The following STARD13 variants were observed in gnomAD, a reference collection of about 807,000 sequenced individuals.
The protein encoded by STARD13 is StAR related lipid transfer domain containing 13.
A neutral mutation model predicts 106.4 loss-of-function variants in STARD13; 62 were observed. The ratio of observed to expected loss-of-function variants is 0.58; its 90% CI spans 0.48 to 0.72. STARD13 has a LOEUF of 0.72. STARD13 is among the 30% of genes least tolerant of loss of function. The pLI, the probability that STARD13 is intolerant of heterozygous loss-of-function variation, is 0.00. For missense variants in STARD13, 1,387 were observed against 1,424.0 expected (o/e 0.97, Z 0.42); for synonymous variants, 565 against 553.0 (o/e 1.02, Z -0.31).
chr13:33,173,729 A>C (rs146456964), intron 1 of STARD13, among the ~76,000 whole-genome samples: 26 of 152,354 alleles, frequency 1.7e-4, no homozygotes, highest in African/African-American at 5.8e-4. Context: ...TGAATATTCA[A>C]AATAGTGGAT....
In STARD13 at chr13:33,163,605, A is replaced by AAT. The variant is rs1249911753; in HGVS notation, c.323+1730_323+1731dup. On this transcript the variant is annotated intron_variant, in intron 3 of 13. Transcript: ENST00000336934. ...ACTCTGTCTCAAAAAAAAAAAAAAA[A>AAT]ATATATATATATATATATAAAACAT... is the stretch of plus-strand genomic sequence containing the variant. Among the ~76,000 whole-genome samples the AAT allele has an allele frequency of 3.8e-3, 368 of 97,612 alleles. 11 individuals are homozygous for AAT. The highest frequency in any genetic ancestry group is 0.014 in the African/African-American group (314 of 23,184). The allele number at this position is 97,612 out of a possible 152,430, so 64.0% of individuals were successfully genotyped here.
At chr13:33,374,104 C>T in the STARD13 span, among the ~76,000 whole-genome samples, 1 of 152,180 alleles carries the variant, frequency 6.6e-6, no homozygotes, top group East Asian at 1.9e-4. Context: ...ATTATTCAAC[C>T]TTTAAAAGGA....
chr13:33,661,103 A>G, the STARD13 span, among the ~76,000 whole-genome samples: 1 of 152,324 alleles, frequency 6.6e-6, no homozygotes, highest in Non-Finnish European at 1.5e-5. Context: ...TATATCTGGC[A>G]ACACTATTCC....
intron 1 of STARD13, among the ~76,000 whole-genome samples, chr13:33,179,227 A>C (rs1450810390): frequency 6.6e-6 from 1 of 152,226 alleles, no homozygotes; most frequent in African/African-American, 2.4e-5. Flanking sequence ...AGATGGGCAC[A>C]AGAGGGGTAA....
At chr13:33,636,001 G>T in the STARD13 span, among the ~76,000 whole-genome samples, 3 of 151,962 alleles carry the variant, frequency 2.0e-5, no homozygotes, top group East Asian at 5.8e-4. Context: ...CATTAGCTGG[G>T]CATGGTTGTG....
At chr13:33,245,156 G>A (rs1566095372) in intron 1 of STARD13, among the ~76,000 whole-genome samples, 1 of 152,182 alleles carries the variant, frequency 6.6e-6, no homozygotes, top group Non-Finnish European at 1.5e-5. Flanking sequence ...ACGTCATTGT[G>A]GGTCAGCTGG....
At chr13:33,244,687 A>G (rs73179050) in intron 1 of STARD13, among the ~76,000 whole-genome samples, 2,132 of 152,206 alleles carry the variant, frequency 0.014, 54 homozygotes, top group Admixed American at 0.069. Context: ...GGGATAAGAG[A>G]CCACATGTAG....
intron 1 of STARD13, among the ~76,000 whole-genome samples, chr13:33,185,644 C>T (rs1885684977): frequency 6.6e-6 from 1 of 152,218 alleles, no homozygotes; most frequent in Non-Finnish European, 1.5e-5. Flanking sequence ...CAACTCCCAT[C>T]CTCTGTTCCC....
chr13:33,527,167 A>G, the STARD13 span, among the ~76,000 whole-genome samples: 3 of 152,114 alleles, frequency 2.0e-5, no homozygotes, highest in African/African-American at 7.2e-5. Flanking sequence ...AGTGAACAAG[A>G]GTTTTCCATC....
rs375712059 is a variant in STARD13, at chr13:33,227,995, C to T, written c.169+57475G>A. ...AATGTGCGATCGTAAAACGAAACAA[C>T]GCAGAGCAGTTTTTAACAGTTGCGT... On this transcript the variant is annotated intron_variant, in intron 1 of 13. Transcript: ENST00000336934. 5.9e-5 allele frequency among the ~76,000 whole-genome samples: 9 copies of T among 152,234 alleles called. No homozygotes were observed. The East Asian group carries it at 1.2e-3, about 20-fold the overall frequency.
chr13:33,434,669 C>A, the STARD13 span, among the ~76,000 whole-genome samples: 6 of 152,188 alleles, frequency 3.9e-5, no homozygotes, highest in South Asian at 6.3e-4. Flanking sequence ...AAGAGGGCCA[C>A]AAAGCCACCA....
chr13:33,233,081 C>T (rs532335608), intron 1 of STARD13, among the ~76,000 whole-genome samples: 12 of 152,310 alleles, frequency 7.9e-5, no homozygotes, highest in Admixed American at 2.6e-4. Context: ...AATGTGATAG[C>T]GACAGGAGGC....
chr13:33,112,644 C>T, intron 9 of STARD13, 77 bp downstream of exon 9: 2 of 1,143,582 alleles, frequency 1.7e-6, no homozygotes, highest in Non-Finnish European at 2.5e-6. Context: ...TCTATCCATC[C>T]ATCCATCCAT....
chr13:33,532,847 A>G, the STARD13 span, among the ~76,000 whole-genome samples: 1 of 152,164 alleles, frequency 6.6e-6, no homozygotes, highest in Non-Finnish European at 1.5e-5. Context: ...TTGTAAGATG[A>G]TTACTGTATT....
upstream of STARD13, among the ~76,000 whole-genome samples, chr13:33,353,342 C>T (rs887841661): frequency 9.2e-5 from 14 of 152,202 alleles, no homozygotes; most frequent in African/African-American, 3.4e-4. Flanking sequence ...CTAAATCTAA[C>T]AACGTGTTCC....
At chr13:33,206,471 A>G (rs1887427021) in intron 1 of STARD13, among the ~76,000 whole-genome samples, 1 of 152,208 alleles carries the variant, frequency 6.6e-6, no homozygotes, top group African/African-American at 2.4e-5. Flanking sequence ...GAAAATGCCA[A>G]AATAGGATAT....
At chr13:33,553,735 A>G in the STARD13 span, among the ~76,000 whole-genome samples, 7 of 151,242 alleles carry the variant, frequency 4.6e-5, no homozygotes, top group African/African-American at 1.7e-4. Flanking sequence ...ACCCACCACC[A>G]CGCCTGTCTA....
chr13:33,516,696 T>C, the STARD13 span, among the ~76,000 whole-genome samples: 2 of 151,970 alleles, frequency 1.3e-5, no homozygotes, highest in Non-Finnish European at 2.9e-5. Flanking sequence ...CCTCCTGAGC[T>C]CTTGGGATGT....
chr13:33,301,861 C>T (rs1024890899), intron 1 of STARD13, among the ~76,000 whole-genome samples: 5 of 134,968 alleles, frequency 3.7e-5, no homozygotes, highest in African/African-American at 1.3e-4. Flanking sequence ...AGCCACCGCG[C>T]CCGGCCTCCA....
Sources: gnomAD v4.1 joint callset for allele counts (sites outside exome capture counted in the v4.1 genomes callset) on GRCh38, gnomAD v4.1.1 for gene constraint, MANE v1.5 for transcripts, NCBI Gene and HGNC (gene_info 2026-07-23, HGNC 2026-07-21) for gene names.